The following CDH8 variants were observed in gnomAD, a reference collection of about 807,000 sequenced individuals.
CDH8 encodes the protein cadherin 8, also known as cadherin-8.
Under a neutral mutation model 68.1 loss-of-function variants are expected in CDH8, and 17 were observed. That is an observed-to-expected ratio of 0.25 (90% CI 0.17 to 0.37). The LOEUF (loss-of-function observed/expected upper bound fraction) is 0.37, where lower values mean the gene tolerates loss of function less well. Among genes scored for constraint, CDH8 ranks in the 10% least tolerant of loss-of-function variants. The pLI is 1.00. For synonymous variants in CDH8, 372 were observed against 365.1 expected, an observed-to-expected ratio of 1.02 and a Z score of -0.21; for missense variants, 763 against 999.3, an observed-to-expected ratio of 0.76 and a Z score of 3.19.
chr16:61,663,473 T>A (rs1247252894), intron 10 of CDH8, among the ~76,000 whole-genome samples: 1 of 152,010 alleles, frequency 6.6e-6, no homozygotes, highest in African/African-American at 2.4e-5. Context: ...AAATAAAATG[T>A]ATATGTTTTA....
chr16:61,832,531 G>A (rs923010709), intron 4 of CDH8, among the ~76,000 whole-genome samples: 1 of 151,722 alleles, frequency 6.6e-6, no homozygotes, highest in African/African-American at 2.4e-5. Flanking sequence ...CTGATCAAGT[G>A]AATCAGCAAT....
intron 8 of CDH8, among the ~76,000 whole-genome samples, chr16:61,763,605 A>C (rs181667004): frequency 1.3e-5 from 2 of 152,270 alleles, no homozygotes; most frequent in Admixed American, 1.3e-4. Flanking sequence ...ATTCTGTAGA[A>C]GTGTGCAGGC....
intron 4 of CDH8, among the ~76,000 whole-genome samples, chr16:61,836,089 C>A (rs889593446): frequency 1.3e-5 from 2 of 151,758 alleles, no homozygotes; most frequent in African/African-American, 4.8e-5. Context: ...TGATCTTATC[C>A]CCAATGTTAA....
At chr16:61,705,908 C>A (rs1281207095) in intron 10 of CDH8, among the ~76,000 whole-genome samples, 2 of 152,064 alleles carry the variant, frequency 1.3e-5, no homozygotes, top group Admixed American at 1.3e-4. Flanking sequence ...AGACAGAGTC[C>A]TGAGGAAAAC....
intron 8 of CDH8, among the ~76,000 whole-genome samples, chr16:61,741,262 T>G (rs541386711): frequency 6.6e-6 from 1 of 152,196 alleles, no homozygotes; most frequent in African/African-American, 2.4e-5. Flanking sequence ...CTAATTGATA[T>G]GCCTACACTA....
At chr16:61,763,737 A>T (rs1446277098) in intron 8 of CDH8, among the ~76,000 whole-genome samples, 1 of 152,136 alleles carries the variant, frequency 6.6e-6, no homozygotes, top group Non-Finnish European at 1.5e-5. Context: ...TTTCAAGGGA[A>T]GGGTAGTTTT....
intron 2 of CDH8, among the ~76,000 whole-genome samples, chr16:61,962,482 CCATCA>C (rs1051333778): frequency 1.3e-5 from 2 of 152,178 alleles, no homozygotes; most frequent in African/African-American, 4.8e-5. Flanking sequence ...ATTTTCTGTA[CCATCA>C]CATGATCTGC....
At chr16:61,808,359 T>A (rs567153574) in intron 7 of CDH8, among the ~76,000 whole-genome samples, 1 of 151,826 alleles carries the variant, frequency 6.6e-6, no homozygotes, top group Non-Finnish European at 1.5e-5. Flanking sequence ...AAAAAAAAAA[T>A]AGAAATTTAT....
At chr16:61,821,165 C>T in intron 5 of CDH8, 52 bp from the exon 6 acceptor site, 1 of 1,428,048 alleles carries the variant, frequency 7.0e-7, no homozygotes, top group East Asian at 2.3e-5. Flanking sequence ...ACCATTCATT[C>T]ATTCATATGG....
At chr16:61,960,883 T>C (rs1660949170) in intron 2 of CDH8, among the ~76,000 whole-genome samples, 1 of 152,176 alleles carries the variant, frequency 6.6e-6, no homozygotes, top group African/African-American at 2.4e-5. Context: ...TTGTCTGCAT[T>C]CTCTGAGGAT....
At chr16:61,698,053 A>G (rs1964360661) in intron 10 of CDH8, among the ~76,000 whole-genome samples, 1 of 152,210 alleles carries the variant, frequency 6.6e-6, no homozygotes, top group South Asian at 2.1e-4. Context: ...TAAGTTTTAT[A>G]AATGTATTTA....
chr16:61,986,844 A>T (rs2150586406), intron 2 of CDH8, among the ~76,000 whole-genome samples: 1 of 152,342 alleles, frequency 6.6e-6, no homozygotes, highest in South Asian at 2.1e-4. Context: ...AAGAGGCATC[A>T]GGATATGGCA....
intron 1 of CDH8, among the ~76,000 whole-genome samples, chr16:62,027,308 G>A (rs2150618765): frequency 6.6e-6 from 1 of 152,282 alleles, no homozygotes; most frequent in East Asian, 1.9e-4. Flanking sequence ...ATTTTAAGAT[G>A]AACTCAGTCA....
intron 2 of CDH8, among the ~76,000 whole-genome samples, chr16:61,985,478 AACC>A (rs1461385685): frequency 6.6e-6 from 1 of 152,170 alleles, no homozygotes; most frequent in Non-Finnish European, 1.5e-5. Flanking sequence ...TTTAATGCAG[AACC>A]ATCAAAAGAA....
At chr16:61,813,096 G>A (rs957456303) in intron 7 of CDH8, among the ~76,000 whole-genome samples, 3 of 152,150 alleles carry the variant, frequency 2.0e-5, no homozygotes, top group Non-Finnish European at 2.9e-5. Flanking sequence ...CTAGGCAGAT[G>A]AGCAAAGATC....
chr16:61,665,756 C>CTTCCTTCT lies in CDH8; in HGVS notation c.1655-10036_1655-10035insAGAAGGAA, dbSNP rs1419217849. On this transcript the variant is annotated intron_variant, in intron 10 of 11. Coordinates refer to ENST00000577390, the MANE Select transcript of CDH8 (RefSeq NM_001796.5). ...TATCCCACAGTCTGAATTTATTTTC[C>CTTCCTTCT]TTCCTTCCTTCCTTCCTTCCTTCCT... Among the ~76,000 whole-genome samples, 43 of 48,128 alleles carry CTTCCTTCT rather than the reference C, an allele frequency of 8.9e-4. No individual in the cohort carries two copies. The East Asian group carries it at 0.023, about 26-fold the overall frequency. 31.6% of individuals were successfully genotyped at this position (48,128 alleles called of 152,430 possible). A position where few individuals can be genotyped will look rare whatever the true frequency, so the allele number is the denominator to read the frequency against.
At chr16:61,734,893 T>C (rs1462507313) in intron 8 of CDH8, among the ~76,000 whole-genome samples, 2 of 152,072 alleles carry the variant, frequency 1.3e-5, no homozygotes, top group African/African-American at 4.8e-5. Flanking sequence ...AGAAATGTAT[T>C]CCTTTACACT....
rs943965087 is a variant in CDH8 at position 61,999,768 on chromosome 16, GA to G, written c.252+21383del. Reference sequence around the variant, plus strand: ...AAAAGACGTGAGTTAAATGTTCTTTGAAAAAAAAAATTATAATGAATTCCCC... The same window carrying G: ...AAAAGACGTGAGTTAAATGTTCTTTGAAAAAAAAATTATAATGAATTCCCC... On this transcript the variant is annotated intron_variant, in intron 2 of 11. Transcript: ENST00000577390. Among the ~76,000 whole-genome samples the G allele has an allele frequency of 6.7e-3, 1,005 of 149,162 alleles. 11 individuals carry two copies. Among genetic ancestry groups the G allele is most frequent in the African/African-American group, 0.023 (931 of 40,714 alleles).
At chr16:61,882,399 C>A (rs190786892) in intron 3 of CDH8, among the ~76,000 whole-genome samples, 1 of 152,192 alleles carries the variant, frequency 6.6e-6, no homozygotes, top group African/African-American at 2.4e-5. Flanking sequence ...TGCAGATATC[C>A]CTCTTTTAGC....
Sources: gnomAD v4.1 joint callset for allele counts (sites outside exome capture counted in the v4.1 genomes callset) on GRCh38, gnomAD v4.1.1 for gene constraint, MANE v1.5 for transcripts, NCBI Gene and HGNC (gene_info 2026-07-23, HGNC 2026-07-21) for gene names.